The following VAMP4 variants were observed in gnomAD, a reference collection of about 807,000 sequenced individuals.
VAMP4 encodes vesicle associated membrane protein 4.
A neutral mutation model predicts 23.5 loss-of-function variants in VAMP4; 19 were observed. That is an observed-to-expected ratio of 0.81 (90% CI 0.56 to 1.19). The LOEUF is 1.19. Among genes scored for constraint, VAMP4 ranks in the 50% most tolerant of loss-of-function variants. VAMP4 has a pLI of 0.00. For synonymous variants in VAMP4, 31 were observed against 51.0 expected, an observed-to-expected ratio of 0.61 and a Z score of 1.67; for missense variants, 145 against 168.6, an observed-to-expected ratio of 0.86 and a Z score of 0.78.
intron 4 of VAMP4, among the ~76,000 whole-genome samples, chr1:171,713,193 G>A (rs1425637120): frequency 6.6e-6 from 1 of 152,020 alleles, no homozygotes; most frequent in Non-Finnish European, 1.5e-5. Flanking sequence ...TACTTGAGGA[G>A]GAGATATAAA....
chr1:171,735,096 G>C (rs150046360), intron 2 of VAMP4, among the ~76,000 whole-genome samples: 169 of 152,196 alleles, frequency 1.1e-3, no homozygotes, highest in African/African-American at 3.8e-3. Context: ...CCATGAAACT[G>C]TGATCCTAGT....
Position 171,703,948 on chromosome 1 carries a change from T to C in VAMP4, c.*558A>G, listed in dbSNP as rs555866542. 6.6e-6 allele frequency: 1 copy of C among 152,592 alleles called. No individual in the cohort carries two copies. The highest frequency in any genetic ancestry group is 1.9e-4 in the East Asian group (1 of 5,178). The allele number at this position is 152,592 out of a possible 1,614,324, so 9.5% of individuals were successfully genotyped here. Reference sequence around the variant, plus strand: ...ACAGTCAAAAATATATTTACTGGAATGTTTTTAGTTATACCTGAGGGCAAC... The same window carrying C: ...ACAGTCAAAAATATATTTACTGGAACGTTTTTAGTTATACCTGAGGGCAAC... On this transcript the variant is annotated 3_prime_UTR_variant, in exon 8 of 8. Coordinates refer to ENST00000236192, the MANE Select transcript of VAMP4 (RefSeq NM_003762.5).
At chr1:171,726,864 A>G (rs1364356409) in intron 3 of VAMP4, among the ~76,000 whole-genome samples, 2 of 152,176 alleles carry the variant, frequency 1.3e-5, no homozygotes, top group Non-Finnish European at 1.5e-5. Context: ...TTACAAAATG[A>G]AAGGGTTAAG....
intron 2 of VAMP4, among the ~76,000 whole-genome samples, chr1:171,734,955 T>C (rs1481075141): frequency 6.6e-6 from 1 of 152,232 alleles, no homozygotes; most frequent in Non-Finnish European, 1.5e-5. Flanking sequence ...TGAAGTAATT[T>C]TTCCTGCCCT....
chr1:171,726,206 C>T (rs1655364523), intron 3 of VAMP4, among the ~76,000 whole-genome samples: 1 of 151,964 alleles, frequency 6.6e-6, no homozygotes, highest in Non-Finnish European at 1.5e-5. Context: ...CATGTGCCAC[C>T]ATGCCTGGCT....
chr1:171,704,438 A>G lies in VAMP4; in HGVS notation c.*68T>C, dbSNP rs1186192053. On this transcript the variant is annotated 3_prime_UTR_variant, in exon 8 of 8. Coordinates refer to ENST00000236192, the MANE Select transcript of VAMP4 (RefSeq NM_003762.5). The stretch of plus-strand genomic sequence containing the variant: ...TGAAAGTTATATACACATAGGTTTC[A>G]TTTAAATTATGCAGCAATCTTTTAT... 3.6e-6 allele frequency: 5 copies of G among 1,404,170 alleles called. No homozygotes were observed. Among genetic ancestry groups the G allele is most frequent in the Non-Finnish European group, 4.8e-6 (5 of 1,039,028 alleles). The allele number at this position is 1,404,170 out of a possible 1,614,324, so 87.0% of individuals were successfully genotyped here. A position where few individuals can be genotyped will look rare whatever the true frequency, so the allele number is the denominator to read the frequency against.
In VAMP4 at chr1:171,702,213, CA is replaced by C. The variant is rs1260456865; in HGVS notation, c.*2292del. On this transcript the variant is annotated 3_prime_UTR_variant, in exon 8 of 8. Transcript: ENST00000236192. ...ATCTCCAAGGTTACCACAATAAAGT[CA>C]TAACCATGCCAGCCATTTTAAGGAT... The C allele has an allele frequency of 1.3e-5, 2 of 151,926 alleles. No homozygotes were observed. Among genetic ancestry groups the C allele is most frequent in the Non-Finnish European group, 2.9e-5 (2 of 67,912 alleles). 9.4% of individuals were successfully genotyped at this position (151,926 alleles called of 1,614,324 possible).
intron 2 of VAMP4, among the ~76,000 whole-genome samples, chr1:171,729,894 G>T (rs1655505335): frequency 6.6e-6 from 1 of 152,152 alleles, no homozygotes; most frequent in South Asian, 2.1e-4. Flanking sequence ...TGTGATCACG[G>T]ATCTTGAGAA....
At chr1:171,709,451 T>G (rs1168991937) in intron 6 of VAMP4, among the ~76,000 whole-genome samples, 1 of 152,234 alleles carries the variant, frequency 6.6e-6, no homozygotes, top group Admixed American at 6.5e-5. Context: ...AAAAAATCTA[T>G]GAAAACATCC....
At chr1:171,717,471 C>A (rs371113957) in intron 4 of VAMP4, among the ~76,000 whole-genome samples, 2 of 152,124 alleles carry the variant, frequency 1.3e-5, no homozygotes, top group South Asian at 2.1e-4. Context: ...ATGAGACTAT[C>A]ATAAGGCAGT....
chr1:171,722,613 C>G (rs1427144013), intron 3 of VAMP4, among the ~76,000 whole-genome samples: 3 of 152,288 alleles, frequency 2.0e-5, no homozygotes, highest in Middle Eastern at 3.4e-3. Flanking sequence ...ACAGACACTT[C>G]TCAAAAGAAG....
At chr1:171,711,739 G>A (rs1654854409) in intron 4 of VAMP4, among the ~76,000 whole-genome samples, 1 of 152,078 alleles carries the variant, frequency 6.6e-6, no homozygotes, top group East Asian at 1.9e-4. Context: ...ATATTTAAAA[G>A]GAGAAATAAA....
chr1:171,708,085 G>C (rs1232338941), intron 6 of VAMP4, among the ~76,000 whole-genome samples: 2 of 151,970 alleles, frequency 1.3e-5, no homozygotes, highest in African/African-American at 4.8e-5. Context: ...GATTGCTCGA[G>C]GCCAGAAGTT....
chr1:171,724,143 A>G (rs967328129), intron 3 of VAMP4, among the ~76,000 whole-genome samples: 9 of 152,154 alleles, frequency 5.9e-5, no homozygotes, highest in Non-Finnish European at 1.2e-4. Context: ...CTACGCAGCC[A>G]TAAAAAAGGA....
chr1:171,702,704 G>C lies in VAMP4; in HGVS notation c.*1802C>G, dbSNP rs1451342489. ...TATTAGCTACTGAAATTCTAAAAAT[G>C]CTCATTTTTCTGGGTATCTTAACTT... On this transcript the variant is annotated 3_prime_UTR_variant, in exon 8 of 8. Coordinates refer to ENST00000236192, the MANE Select transcript of VAMP4 (RefSeq NM_003762.5). 2.0e-5 allele frequency: 3 copies of C among 151,906 alleles called. No individual in the cohort carries two copies. Among genetic ancestry groups the C allele is most frequent in the African/African-American group, 4.8e-5 (2 of 41,424 alleles). 9.4% of individuals were successfully genotyped at this position (151,906 alleles called of 1,614,324 possible).
chr1:171,729,896 T>C (rs547913092), intron 2 of VAMP4, among the ~76,000 whole-genome samples: 1 of 152,240 alleles, frequency 6.6e-6, no homozygotes, highest in Non-Finnish European at 1.5e-5. Context: ...TGATCACGGA[T>C]CTTGAGAAGA....
rs1308137780 is a variant in VAMP4 at position 171,701,169 on chromosome 1, C to T, written c.*3337G>A. On this transcript the variant is annotated 3_prime_UTR_variant, in exon 8 of 8. Transcript: ENST00000236192. ...AGCCCTTACTACATTCTAAAACAAA[C>T]TTGTAAATGCTTTCAAACTGACTTA... The T allele has an allele frequency of 6.6e-6, 1 of 152,134 alleles. No individual in the cohort carries two copies. Among genetic ancestry groups the T allele is most frequent in the East Asian group, 1.9e-4 (1 of 5,186 alleles). 9.4% of individuals were successfully genotyped at this position (152,134 alleles called of 1,614,324 possible).
At chr1:171,737,008 CA>C (rs1226658746) in intron 2 of VAMP4, among the ~76,000 whole-genome samples, 2 of 152,102 alleles carry the variant, frequency 1.3e-5, no homozygotes, top group African/African-American at 4.8e-5. Flanking sequence ...CAGAAACACA[CA>C]AAACCGCAAA....
At chr1:171,713,265 A>G (rs997165174) in intron 4 of VAMP4, among the ~76,000 whole-genome samples, 1 of 149,354 alleles carries the variant, frequency 6.7e-6, no homozygotes. Flanking sequence ...TTCATCAAGG[A>G]TCAATTTTGA....
Sources: gnomAD v4.1 joint callset for allele counts (sites outside exome capture counted in the v4.1 genomes callset) on GRCh38, gnomAD v4.1.1 for gene constraint, MANE v1.5 for transcripts, NCBI Gene and HGNC (gene_info 2026-07-23, HGNC 2026-07-21) for gene names.